DCC: variants seen among roughly 807,000 people sequenced by gnomAD.
The protein encoded by DCC is DCC netrin 1 receptor.
DCC carries 58 observed loss-of-function variants against 172.5 expected under a neutral mutation model. That is an observed-to-expected ratio of 0.34 (90% CI 0.27 to 0.42). DCC has a LOEUF of 0.42. Among genes scored for constraint, DCC ranks in the 10% least tolerant of loss-of-function variants. The probability of loss-of-function intolerance (pLI) is 1.00; values close to 1 mark genes in which losing one functional copy is unlikely to be tolerated. For missense variants in DCC, 1,740 were observed against 1,791.0 expected, an observed-to-expected ratio of 0.97 and a Z score of 0.51; for synonymous variants, 709 against 644.5, an observed-to-expected ratio of 1.10 and a Z score of -1.52.
intron 23 of DCC, among the ~76,000 whole-genome samples, chr18:53,458,214 AGTTACAAGTAG>A (rs1473028987): frequency 5.9e-5 from 9 of 152,228 alleles, no homozygotes; most frequent in Non-Finnish European, 1.3e-4. Flanking sequence ...AAGAAATAGA[AGTTACAAGTAG>A]AGATTTAAAA....
At chr18:52,974,152 T>C (rs56008489) in intron 5 of DCC, among the ~76,000 whole-genome samples, 7 of 152,296 alleles carry the variant, frequency 4.6e-5, no homozygotes, top group Non-Finnish European at 7.4e-5. Context: ...GAAATGTAGA[T>C]ACTAAGGTGT....
At chr18:52,911,325 T>C (rs1180592681) in intron 3 of DCC, among the ~76,000 whole-genome samples, 3 of 152,042 alleles carry the variant, frequency 2.0e-5, no homozygotes, top group Admixed American at 2.0e-4. Flanking sequence ...ATTTGGAAGG[T>C]TTGCATAGAT....
intron 2 of DCC, among the ~76,000 whole-genome samples, chr18:52,824,740 G>A (rs997802654): frequency 2.6e-5 from 4 of 152,124 alleles, no homozygotes. Flanking sequence ...GGAGGCTGAA[G>A]CAGGCAGATC....
At chr18:52,411,902 G>A (rs1456288042) in intron 1 of DCC, among the ~76,000 whole-genome samples, 3 of 152,094 alleles carry the variant, frequency 2.0e-5, no homozygotes, top group Admixed American at 6.6e-5. Flanking sequence ...TGCTGTGTCC[G>A]TAACAAACCC....
At chr18:53,506,453 G>A (rs1368188439) in intron 27 of DCC, among the ~76,000 whole-genome samples, 2 of 152,162 alleles carry the variant, frequency 1.3e-5, no homozygotes, top group African/African-American at 4.8e-5. Flanking sequence ...ATTGCATAGA[G>A]TGGAAAAGAC....
chr18:53,134,643 T>C (rs899371247), intron 7 of DCC, among the ~76,000 whole-genome samples: 1 of 152,152 alleles, frequency 6.6e-6, no homozygotes, highest in African/African-American at 2.4e-5. Flanking sequence ...ATGGTTTATC[T>C]CTTAGCTCAG....
At chr18:52,559,384 T>C (rs1187524692) in intron 1 of DCC, among the ~76,000 whole-genome samples, 1 of 152,234 alleles carries the variant, frequency 6.6e-6, no homozygotes, top group Non-Finnish European at 1.5e-5. Flanking sequence ...GTGCTGGGAT[T>C]AGAGGCGTGA....
intron 1 of DCC, among the ~76,000 whole-genome samples, chr18:52,468,609 T>A (rs1988857186): frequency 1.3e-5 from 2 of 152,192 alleles, no homozygotes; most frequent in African/African-American, 4.8e-5. Flanking sequence ...AATGTAAACA[T>A]TTGCATTAAT....
intron 1 of DCC, among the ~76,000 whole-genome samples, chr18:52,435,099 T>G (rs1473198200): frequency 6.6e-6 from 1 of 152,328 alleles, no homozygotes; most frequent in East Asian, 1.9e-4. Context: ...ATGTGGGCCC[T>G]CACATTCTGG....
At chr18:53,261,986 G>C (rs923858168) in intron 12 of DCC, among the ~76,000 whole-genome samples, 2 of 152,214 alleles carry the variant, frequency 1.3e-5, no homozygotes, top group Non-Finnish European at 2.9e-5. Context: ...GGCTGTGTGA[G>C]AGAAGATGGT....
At chr18:52,953,409 G>A (rs888725547) in intron 5 of DCC, among the ~76,000 whole-genome samples, 1 of 152,132 alleles carries the variant, frequency 6.6e-6, no homozygotes, top group African/African-American at 2.4e-5. Flanking sequence ...CTGTGACCCA[G>A]TCCAAATTCT....
At chr18:52,985,612 G>T (rs1047337952) in intron 5 of DCC, among the ~76,000 whole-genome samples, 1 of 151,760 alleles carries the variant, frequency 6.6e-6, no homozygotes, top group African/African-American at 2.4e-5. Context: ...CAGTCACAGG[G>T]TATCTTTTAA....
chr18:53,471,490 A>C (rs947141345), intron 25 of DCC, among the ~76,000 whole-genome samples: 1 of 152,168 alleles, frequency 6.6e-6, no homozygotes, highest in African/African-American at 2.4e-5. Flanking sequence ...TAAATTAGAT[A>C]ATGTTGTTCC....
At chr18:53,496,980 A>G (rs2144426393) in intron 26 of DCC, among the ~76,000 whole-genome samples, 1 of 152,356 alleles carries the variant, frequency 6.6e-6, no homozygotes. Flanking sequence ...TGTCCCTTTA[A>G]TGGCTAAACC....
chr18:53,284,872 G>A (rs1011229555), intron 12 of DCC, among the ~76,000 whole-genome samples: 2 of 152,154 alleles, frequency 1.3e-5, no homozygotes, highest in Non-Finnish European at 2.9e-5. Context: ...AACTTCTTGG[G>A]AACTGGATCA....
chr18:52,764,691 C>T (rs1340751312), intron 2 of DCC, among the ~76,000 whole-genome samples: 2 of 152,212 alleles, frequency 1.3e-5, no homozygotes, highest in Non-Finnish European at 2.9e-5. Flanking sequence ...GCACAGCTTT[C>T]AAAACCGAAA....
chr18:53,439,900 G>C (rs1912164123), intron 22 of DCC, among the ~76,000 whole-genome samples: 1 of 148,902 alleles, frequency 6.7e-6, no homozygotes, highest in African/African-American at 2.4e-5. Context: ...AAGTAGCTGG[G>C]ACTACAGGCG....
intron 1 of DCC, among the ~76,000 whole-genome samples, chr18:52,748,402 G>C (rs559007398): frequency 6.6e-6 from 1 of 152,228 alleles, no homozygotes. Flanking sequence ...CTCTGGCTCC[G>C]GGAGTCCCAA....
intron 13 of DCC, among the ~76,000 whole-genome samples, chr18:53,319,128 G>T (rs2057377899): frequency 6.6e-6 from 1 of 152,132 alleles, no homozygotes; most frequent in Admixed American, 6.5e-5. Context: ...AATATGGAAA[G>T]GAAAAACTGG....
Sources: gnomAD v4.1 joint callset for allele counts (sites outside exome capture counted in the v4.1 genomes callset) on GRCh38, gnomAD v4.1.1 for gene constraint, MANE v1.5 for transcripts, NCBI Gene and HGNC (gene_info 2026-07-23, HGNC 2026-07-21) for gene names.